Variants in CTNNAL1 observed in about 807,000 individuals in gnomAD.
CTNNAL1 encodes alpha-catulin.
CTNNAL1 carries 69 observed loss-of-function variants against 93.6 expected under a neutral mutation model. That is an observed-to-expected ratio of 0.74 (90% CI 0.61 to 0.90). The LOEUF (loss-of-function observed/expected upper bound fraction) is 0.90, where lower values mean the gene tolerates loss of function less well. Among genes scored for constraint, CTNNAL1 ranks in the 40% least tolerant of loss-of-function variants. The probability of loss-of-function intolerance (pLI) is 0.00; values close to 1 mark genes in which losing one functional copy is unlikely to be tolerated. For synonymous variants in CTNNAL1, 286 were observed against 305.4 expected (o/e 0.94, Z 0.66); for missense variants, 836 against 862.0 (o/e 0.97, Z 0.38).
chr9:108,976,087 G>A (rs1831258474), intron 8 of CTNNAL1, among the ~76,000 whole-genome samples: 1 of 152,176 alleles, frequency 6.6e-6, no homozygotes, highest in African/African-American at 2.4e-5. Context: ...ATACAGCCAT[G>A]TAATCACAAC....
intron 14 of CTNNAL1, among the ~76,000 whole-genome samples, chr9:108,949,581 C>T (rs7028937): frequency 0.22 from 33,362 of 151,806 alleles, 4,501 homozygotes; most frequent in East Asian, 0.3. Flanking sequence ...TGGTGGCTAA[C>T]GCCTGTAATC....
At chr9:108,988,520 G>A (rs1474568548) in intron 4 of CTNNAL1, among the ~76,000 whole-genome samples, 4 of 152,190 alleles carry the variant, frequency 2.6e-5, no homozygotes, top group African/African-American at 7.2e-5. Context: ...CAGCTAGAGT[G>A]ATACTGTTAA....
At chr9:108,956,439 T>C (rs921365684) in intron 11 of CTNNAL1, among the ~76,000 whole-genome samples, 7 of 152,216 alleles carry the variant, frequency 4.6e-5, no homozygotes, top group African/African-American at 1.7e-4. Flanking sequence ...AACTTCCAGG[T>C]CATGTATACA....
chr9:108,991,486 A>G (rs1831803252), intron 3 of CTNNAL1, among the ~76,000 whole-genome samples: 1 of 152,208 alleles, frequency 6.6e-6, no homozygotes, highest in African/African-American at 2.4e-5. Context: ...CATATTTTCA[A>G]ATACTTTTCT....
intron 11 of CTNNAL1, chr9:108,963,667 T>C (rs1400539044): frequency 6.6e-6 from 1 of 152,280 alleles, no homozygotes; most frequent in East Asian, 1.9e-4. Flanking sequence ...AGCCATCCTG[T>C]GGCACTCCTC....
chr9:108,990,054 A>G (rs1564142604), intron 4 of CTNNAL1, among the ~76,000 whole-genome samples: 1 of 152,120 alleles, frequency 6.6e-6, no homozygotes, highest in East Asian at 1.9e-4. Flanking sequence ...CCATCTCAGA[A>G]AAAATAAAAT....
chr9:108,998,323 C>A (rs750871815), intron 2 of CTNNAL1, among the ~76,000 whole-genome samples: 2 of 151,964 alleles, frequency 1.3e-5, no homozygotes, highest in Non-Finnish European at 2.9e-5. Context: ...GTCAGTAGCA[C>A]CAAAGTTAAA....
At chr9:108,947,452 A>G (rs748956367) in intron 15 of CTNNAL1, among the ~76,000 whole-genome samples, 1 of 152,360 alleles carries the variant, frequency 6.6e-6, no homozygotes, top group Non-Finnish European at 1.5e-5. Context: ...GTACATGGGA[A>G]TGCCAAAGGA....
intron 11 of CTNNAL1, among the ~76,000 whole-genome samples, chr9:108,958,891 G>T (rs117273387): frequency 0.018 from 2,704 of 149,968 alleles, 33 homozygotes; most frequent in Non-Finnish European, 0.025. Context: ...ACACCACCAC[G>T]CTCGGCTAAT....
intron 1 of CTNNAL1, among the ~76,000 whole-genome samples, chr9:109,000,460 G>C (rs2082438004): frequency 6.6e-6 from 1 of 152,210 alleles, no homozygotes; most frequent in African/African-American, 2.4e-5. Context: ...TTACATTCTA[G>C]TGAAGGAGTG....
At chr9:109,007,794 T>C (rs73654210) in intron 1 of CTNNAL1, among the ~76,000 whole-genome samples, 3,196 of 152,294 alleles carry the variant, frequency 0.021, 116 homozygotes, top group African/African-American at 0.073. Context: ...TGACAGCCCA[T>C]GTACTATCTG....
intron 6 of CTNNAL1, among the ~76,000 whole-genome samples, chr9:108,982,708 C>A (rs868442039): frequency 6.6e-6 from 1 of 152,204 alleles, no homozygotes; most frequent in Non-Finnish European, 1.5e-5. Flanking sequence ...TAAATAGATA[C>A]ATTTGCTTTT....
chr9:108,975,797 C>CAGT lies in CTNNAL1; in HGVS notation c.1188+1162_1188+1164dup, dbSNP rs951915130. Among the ~76,000 whole-genome samples, 83 of 152,256 alleles carry CAGT rather than the reference C, an allele frequency of 5.5e-4. 1 individual carries two copies. The Middle Eastern group carries it at 0.014, about 25-fold the overall frequency. On this transcript the variant is annotated intron_variant, in intron 8 of 18. Transcript: ENST00000325551. ...GCTGTTGTAGTGAGAAAACAGTAGACAGTAGGTCCACAGATGGGCAGCATT... is the reference window on the plus strand; with the variant it reads ...GCTGTTGTAGTGAGAAAACAGTAGACAGTAGTAGGTCCACAGATGGGCAGCATT...
chr9:108,988,470 G>C (rs1028770899), intron 4 of CTNNAL1, among the ~76,000 whole-genome samples: 9 of 152,160 alleles, frequency 5.9e-5, no homozygotes, highest in African/African-American at 1.9e-4. Context: ...TGGTCTCCCT[G>C]CCTCTGCCCT....
At chr9:109,008,315 G>A (rs994067987) in intron 1 of CTNNAL1, among the ~76,000 whole-genome samples, 3 of 151,580 alleles carry the variant, frequency 2.0e-5, no homozygotes, top group East Asian at 1.9e-4. Context: ...GCACCACCAC[G>A]CCAGCTAACT....
chr9:108,963,393 C>G (rs1249808029), intron 11 of CTNNAL1: 9 of 152,342 alleles, frequency 5.9e-5, no homozygotes, highest in African/African-American at 2.2e-4. Context: ...ACTCACTGGC[C>G]TAGGGACATG....
chr9:108,948,321 G>A (rs995886921), intron 14 of CTNNAL1, 87 bp from the exon 15 acceptor site: 6 of 1,272,132 alleles, frequency 4.7e-6, no homozygotes, highest in Admixed American at 2.5e-5. Context: ...GAGCATTTGT[G>A]TATTAACAAA....
chr9:108,972,864 G>GGGGCCCCCCCCCCCC, intron 8 of CTNNAL1, 31 bp from the exon 9 acceptor site: 26 of 142,390 alleles, frequency 1.8e-4, no homozygotes, highest in Non-Finnish European at 2.3e-4. Context: ...GGGGGGGTGG[G>GGGGCCCCCCCCCCCC]AGGGTGGAGA....
chr9:108,945,356 T>C (rs1348271587), intron 15 of CTNNAL1, among the ~76,000 whole-genome samples: 8 of 152,210 alleles, frequency 5.3e-5, no homozygotes, highest in Non-Finnish European at 1.2e-4. Flanking sequence ...ATGTAAATGC[T>C]AAGTAAATCG....
Sources: allele counts gnomAD v4.1 joint callset (sites outside exome capture counted in the v4.1 genomes callset), GRCh38; gene constraint gnomAD v4.1.1; transcripts MANE v1.5; gene names NCBI Gene and HGNC (gene_info 2026-07-23, HGNC 2026-07-21).